CNTNAP2: variants seen among roughly 807,000 people sequenced by gnomAD.
The protein encoded by CNTNAP2 is contactin associated protein 2, also known as contactin-associated protein-like 2.
A neutral mutation model predicts 155.2 loss-of-function variants in CNTNAP2; 98 were observed. That is an observed-to-expected ratio of 0.63 (90% CI 0.54 to 0.75). The LOEUF (loss-of-function observed/expected upper bound fraction) is 0.75. Ranked by LOEUF, CNTNAP2 falls within the 30% of genes least tolerant of loss-of-function variation. The pLI is 0.00. For synonymous variants in CNTNAP2, 651 were observed against 631.2 expected, an observed-to-expected ratio of 1.03 and a Z score of -0.47; for missense variants, 1,727 against 1,688.1, an observed-to-expected ratio of 1.02 and a Z score of -0.40.
At chr7:147,405,069 T>C (rs924110371) in intron 10 of CNTNAP2, among the ~76,000 whole-genome samples, 6 of 152,218 alleles carry the variant, frequency 3.9e-5, no homozygotes, top group African/African-American at 1.4e-4. Context: ...GCTTTTGGCA[T>C]GGCATATAGC....
At chr7:147,317,122 A>G (rs1795246780) in intron 9 of CNTNAP2, among the ~76,000 whole-genome samples, 1 of 152,208 alleles carries the variant, frequency 6.6e-6, no homozygotes, top group Admixed American at 6.5e-5. Flanking sequence ...AAATGATTTT[A>G]TAATCCATCT....
At chr7:146,387,410 TCA>T (rs1300852477) in intron 1 of CNTNAP2, among the ~76,000 whole-genome samples, 2 of 152,184 alleles carry the variant, frequency 1.3e-5, no homozygotes, top group African/African-American at 2.4e-5. Context: ...TAGAGGTGTC[TCA>T]GTTTATGTAT....
chr7:146,489,457 ATAAC>A (rs1797106744), intron 1 of CNTNAP2, among the ~76,000 whole-genome samples: 1 of 152,218 alleles, frequency 6.6e-6, no homozygotes, highest in African/African-American at 2.4e-5. Context: ...GCTATAAAAT[ATAAC>A]TAAGTTTTAC....
At chr7:147,909,597 C>T (rs1800024917) in intron 14 of CNTNAP2, among the ~76,000 whole-genome samples, 2 of 152,112 alleles carry the variant, frequency 1.3e-5, no homozygotes, top group Admixed American at 6.6e-5. Context: ...ATTTACTATT[C>T]ACAGCAATAG....
intron 13 of CNTNAP2, among the ~76,000 whole-genome samples, chr7:147,653,434 G>A (rs1584881038): frequency 6.6e-6 from 1 of 152,054 alleles, no homozygotes; most frequent in South Asian, 2.1e-4. Context: ...CACCTGGGGG[G>A]ATGAACAGCA....
intron 9 of CNTNAP2, among the ~76,000 whole-genome samples, chr7:147,380,937 T>C (rs1796524434): frequency 1.3e-5 from 2 of 152,160 alleles, no homozygotes; most frequent in Non-Finnish European, 2.9e-5. Context: ...ATATAGACTT[T>C]CAAAATGACA....
chr7:148,095,298 G>A (rs1471286407), intron 15 of CNTNAP2, among the ~76,000 whole-genome samples: 1 of 152,214 alleles, frequency 6.6e-6, no homozygotes, highest in East Asian at 1.9e-4. Flanking sequence ...CCTGCTCATG[G>A]AAACCTCAGT....
intron 3 of CNTNAP2, among the ~76,000 whole-genome samples, chr7:146,862,315 A>C (rs1358754041): frequency 6.6e-6 from 1 of 152,150 alleles, no homozygotes; most frequent in Non-Finnish European, 1.5e-5. Flanking sequence ...GAGCTGTAGC[A>C]TTTGGACCTT....
At chr7:146,302,224 C>G (rs961230762) in intron 1 of CNTNAP2, among the ~76,000 whole-genome samples, 2 of 151,960 alleles carry the variant, frequency 1.3e-5, no homozygotes, top group Non-Finnish European at 2.9e-5. Context: ...ATTTATGCAC[C>G]CCTTTTCAGT....
Position 148,160,991 on chromosome 7 carries a change from A to T in CNTNAP2, c.2774-11251A>T, listed in dbSNP as rs150171544. Among the ~76,000 whole-genome samples the T allele has an allele frequency of 2.7e-3, 407 of 152,198 alleles. 2 individuals are homozygous for T. The highest frequency in any genetic ancestry group is 4.3e-3 in the Non-Finnish European group (293 of 68,020). ...CTCTTTATTCATTCCTATTGTCTTC[A>T]TGGAAGGTTTCTTGACCCAATATCC... On this transcript the variant is annotated intron_variant, in intron 17 of 23. Transcript: ENST00000361727.
intron 1 of CNTNAP2, among the ~76,000 whole-genome samples, chr7:146,443,394 T>C (rs1211000486): frequency 1.3e-5 from 2 of 152,166 alleles, no homozygotes; most frequent in African/African-American, 4.8e-5. Context: ...TTTCAGAGTG[T>C]GCCTCTGCTC....
intron 13 of CNTNAP2, among the ~76,000 whole-genome samples, chr7:147,894,519 T>C (rs1216265206): frequency 6.6e-6 from 1 of 152,206 alleles, no homozygotes; most frequent in African/African-American, 2.4e-5. Flanking sequence ...GTACCTGTTC[T>C]ATTTCCTCAG....
chr7:147,004,390 A>G (rs557545537), intron 3 of CNTNAP2, among the ~76,000 whole-genome samples: 2 of 152,122 alleles, frequency 1.3e-5, no homozygotes, highest in African/African-American at 4.8e-5. Flanking sequence ...TTGACCTTGT[A>G]GAAAAATGAG....
chr7:147,252,222 G>A (rs1291534871), intron 8 of CNTNAP2, among the ~76,000 whole-genome samples: 2 of 152,148 alleles, frequency 1.3e-5, no homozygotes, highest in Non-Finnish European at 2.9e-5. Flanking sequence ...TTAAAGATTA[G>A]GCTACTTGTA....
At chr7:147,319,242 T>C (rs1295920540) in intron 9 of CNTNAP2, among the ~76,000 whole-genome samples, 1 of 152,208 alleles carries the variant, frequency 6.6e-6, no homozygotes, top group East Asian at 1.9e-4. Context: ...CCATACTTCT[T>C]AATTCTTTAA....
intron 9 of CNTNAP2, among the ~76,000 whole-genome samples, chr7:147,310,788 C>A (rs1229728814): frequency 6.6e-6 from 1 of 152,112 alleles, no homozygotes; most frequent in African/African-American, 2.4e-5. Flanking sequence ...TATTCAGAAC[C>A]ATTGCAATAG....
intron 1 of CNTNAP2, among the ~76,000 whole-genome samples, chr7:146,323,653 G>T (rs921918074): frequency 3.3e-5 from 5 of 152,030 alleles, no homozygotes; most frequent in African/African-American, 1.2e-4. Context: ...AAATAATATT[G>T]TTCAGGAGAA....
chr7:146,370,958 C>T (rs921840532), intron 1 of CNTNAP2, among the ~76,000 whole-genome samples: 4 of 151,854 alleles, frequency 2.6e-5, no homozygotes, highest in African/African-American at 9.7e-5. Context: ...ATTGTATTTC[C>T]TTAATTATGT....
intron 15 of CNTNAP2, among the ~76,000 whole-genome samples, chr7:148,012,146 G>A (rs1421673380): frequency 6.6e-6 from 1 of 152,180 alleles, no homozygotes; most frequent in East Asian, 1.9e-4. Flanking sequence ...TCAAACTCCT[G>A]GCCTCAAGTG....
Sources: allele counts gnomAD v4.1 joint callset (sites outside exome capture counted in the v4.1 genomes callset), GRCh38; gene constraint gnomAD v4.1.1; transcripts MANE v1.5; gene names NCBI Gene and HGNC (gene_info 2026-07-23, HGNC 2026-07-21).